The following AOPEP variants were observed in gnomAD, a reference collection of about 807,000 sequenced individuals.
AOPEP encodes the protein aminopeptidase O.
A neutral mutation model predicts 98.1 loss-of-function variants in AOPEP; 77 were observed. That is an observed-to-expected ratio of 0.78 (90% CI 0.65 to 0.95). The LOEUF is 0.95. AOPEP is among the 40% of genes least tolerant of loss of function. The probability of loss-of-function intolerance (pLI) is 0.00; values close to 1 mark genes in which losing one functional copy is unlikely to be tolerated. For missense variants in AOPEP, 1,024 were observed against 1,024.7 expected (o/e 1.00, Z 0.01); for synonymous variants, 346 against 365.3 (o/e 0.95, Z 0.60).
intron 5 of AOPEP, among the ~76,000 whole-genome samples, chr9:94,878,762 A>G (rs1302889827): frequency 6.6e-6 from 1 of 152,162 alleles, no homozygotes; most frequent in African/African-American, 2.4e-5. Flanking sequence ...AACTTTGCCA[A>G]TTTCAGTTTT....
intron 9 of AOPEP, among the ~76,000 whole-genome samples, chr9:94,960,695 C>G (rs1052135184): frequency 1.3e-5 from 2 of 152,086 alleles, no homozygotes; most frequent in African/African-American, 2.4e-5. Flanking sequence ...CTCACAGGCT[C>G]TATTTCTGAG....
the AOPEP span, among the ~76,000 whole-genome samples, chr9:95,128,984 C>A: frequency 6.6e-6 from 1 of 151,824 alleles, no homozygotes; most frequent in Non-Finnish European, 1.5e-5. Context: ...CTCACTGCAA[C>A]CTCCAACTCC....
chr9:95,015,934 T>C (rs1449265287), intron 13 of AOPEP, among the ~76,000 whole-genome samples: 3 of 152,186 alleles, frequency 2.0e-5, no homozygotes, highest in Non-Finnish European at 4.4e-5. Flanking sequence ...ACTCCTGACC[T>C]CAAGTGATCC....
intron 7 of AOPEP, among the ~76,000 whole-genome samples, chr9:94,938,701 T>C (rs1400330432): frequency 6.6e-6 from 1 of 152,216 alleles, no homozygotes. Flanking sequence ...GCTCCTCGGA[T>C]GCCAAATTGA....
At chr9:94,855,286 C>T (rs1432761259) in intron 5 of AOPEP, among the ~76,000 whole-genome samples, 1 of 152,094 alleles carries the variant, frequency 6.6e-6, no homozygotes, top group Admixed American at 6.5e-5. Flanking sequence ...CCACATTGGC[C>T]AGGCTGGTCT....
At chr9:94,889,294 C>T (rs1222492050) in intron 5 of AOPEP, among the ~76,000 whole-genome samples, 2 of 152,034 alleles carry the variant, frequency 1.3e-5, no homozygotes, top group East Asian at 3.9e-4. Context: ...TTTCACTCAG[C>T]ATAATTTTTT....
chr9:95,004,114 A>C, intron 11 of AOPEP: 2 of 402,654 alleles, frequency 5.0e-6, no homozygotes, highest in Non-Finnish European at 9.8e-6. Flanking sequence ...GATTTTCTTT[A>C]AAGAAATGTG....
At position 95,086,705 on chromosome 9, in the gene AOPEP, C is replaced by G. The variant is rs2070747368; in HGVS notation, c.*28C>G. 1 of 988,192 alleles carries G rather than the reference C, an allele frequency of 1.0e-6. No homozygotes were observed. Among genetic ancestry groups the G allele is most frequent in the African/African-American group, 1.7e-5 (1 of 57,300 alleles). 61.2% of individuals were successfully genotyped at this position (988,192 alleles called of 1,614,324 possible). A position where few individuals can be genotyped will look rare whatever the true frequency, so the allele number is the denominator to read the frequency against. On this transcript the variant is annotated 3_prime_UTR_variant, in exon 17 of 17. Coordinates refer to ENST00000375315, the MANE Select transcript of AOPEP (RefSeq NM_001193329.3). ...AGGAAAGACCACAGCAAGATTCTTT[C>G]ATTCGTCTCCTCCTAGCCTGGGGGA...
intron 9 of AOPEP, among the ~76,000 whole-genome samples, chr9:94,959,759 TTA>T (rs1254134736): frequency 6.6e-6 from 1 of 152,186 alleles, no homozygotes; most frequent in African/African-American, 2.4e-5. Context: ...CCCTCAATGT[TTA>T]TATGTTATAC....
chr9:94,793,147 C>T (rs1450916625), intron 4 of AOPEP, among the ~76,000 whole-genome samples: 6 of 152,046 alleles, frequency 3.9e-5, no homozygotes, highest in African/African-American at 1.4e-4. Flanking sequence ...GGGTGGATCA[C>T]GAGGTCAAGA....
At chr9:95,024,780 C>G (rs1026993505) in intron 13 of AOPEP, among the ~76,000 whole-genome samples, 1 of 152,222 alleles carries the variant, frequency 6.6e-6, no homozygotes, top group African/African-American at 2.4e-5. Flanking sequence ...GCTTCCTCTA[C>G]TCTTCCACAG....
At chr9:95,075,238 G>A (rs1382841747) in intron 14 of AOPEP, among the ~76,000 whole-genome samples, 1 of 152,092 alleles carries the variant, frequency 6.6e-6, no homozygotes, top group Non-Finnish European at 1.5e-5. Flanking sequence ...CAGTTTTAAA[G>A]GTCATTAAAT....
chr9:94,827,530 T>C (rs1854908940), intron 5 of AOPEP, among the ~76,000 whole-genome samples: 1 of 152,204 alleles, frequency 6.6e-6, no homozygotes, highest in Admixed American at 6.5e-5. Flanking sequence ...CATGAGGACA[T>C]AGACTGTCTT....
chr9:94,906,031 GAAT>G (rs2051094098), intron 5 of AOPEP, among the ~76,000 whole-genome samples: 1 of 152,088 alleles, frequency 6.6e-6, no homozygotes, highest in South Asian at 2.1e-4. Context: ...ACTTAATAAA[GAAT>G]AAAAAAGTAA....
At chr9:95,127,965 C>G in the AOPEP span, among the ~76,000 whole-genome samples, 1 of 152,226 alleles carries the variant, frequency 6.6e-6, no homozygotes, top group Non-Finnish European at 1.5e-5. Context: ...AATCTATGCT[C>G]CCTCATCCTT....
chr9:94,970,432 A>G lies in AOPEP; in HGVS notation c.1916+2631A>G, dbSNP rs184079577. The stretch of plus-strand genomic sequence containing the variant: ...TCACTAATGTGTTTTTATGCCCACT[A>G]TACACACACATTAAGCAAGCCAGGC... On this transcript the variant is annotated intron_variant, in intron 10 of 16. Transcript: ENST00000375315. Among the ~76,000 whole-genome samples, 14 of 152,284 alleles carry G rather than the reference A, an allele frequency of 9.2e-5. No individual in the cohort carries two copies. The East Asian group carries it at 1.7e-3, about 19-fold the overall frequency.
At chr9:95,032,297 T>C (rs1188312069) in intron 13 of AOPEP, among the ~76,000 whole-genome samples, 1 of 152,086 alleles carries the variant, frequency 6.6e-6, no homozygotes, top group African/African-American at 2.4e-5. Context: ...TGTTCACAGG[T>C]GCAGGGGAGC....
intron 5 of AOPEP, among the ~76,000 whole-genome samples, chr9:94,816,209 G>A (rs1243548620): frequency 2.6e-5 from 4 of 152,166 alleles, no homozygotes; most frequent in African/African-American, 7.2e-5. Context: ...GATAGTTCCA[G>A]TTGGGGTCAT....
At chr9:94,937,138 A>C (rs942929384) in intron 7 of AOPEP, among the ~76,000 whole-genome samples, 18 of 152,162 alleles carry the variant, frequency 1.2e-4, no homozygotes, top group African/African-American at 3.9e-4. Context: ...GAAAGTCCCA[A>C]CCCTCTAATG....
Sources: gnomAD v4.1 joint callset for allele counts (sites outside exome capture counted in the v4.1 genomes callset) on GRCh38, gnomAD v4.1.1 for gene constraint, MANE v1.5 for transcripts, NCBI Gene and HGNC (gene_info 2026-07-23, HGNC 2026-07-21) for gene names.